TPM1: variants seen among roughly 807,000 people sequenced by gnomAD.
The protein encoded by TPM1 is tropomyosin 1, also known as tropomyosin alpha-1 chain.
In TPM1, 24 loss-of-function variants were observed where a neutral mutation model predicts 42.9. The ratio of observed to expected loss-of-function variants is 0.56; its 90% CI spans 0.41 to 0.79. The LOEUF is 0.79. Among genes scored for constraint, TPM1 ranks in the 30% least tolerant of loss-of-function variants. The probability of loss-of-function intolerance (pLI) is 0.00; values close to 1 mark genes in which losing one functional copy is unlikely to be tolerated. For missense variants in TPM1, 158 were observed against 351.8 expected (o/e 0.45, Z 4.41); for synonymous variants, 136 against 130.1 (o/e 1.05, Z -0.31).
At position 63,043,270 on chromosome 15, in the gene TPM1, A is replaced by T. The variant is rs1044170766; in HGVS notation, c.114+327A>T. 21 of 505,950 alleles carry T rather than the reference A, an allele frequency of 4.2e-5. No individual in the cohort carries two copies. The Admixed American group carries it at 5.4e-4, about 13-fold the overall frequency. 31.3% of individuals were successfully genotyped at this position (505,950 alleles called of 1,614,324 possible). ...CCGGTTCCTGGGGACGTTTGAAGGA[A>T]GGGCGAGGGATGGAGAAAGGGGGTC... On this transcript the variant is annotated intron_variant, in intron 1 of 9. Coordinates refer to ENST00000403994, the MANE Select transcript of TPM1 (RefSeq NM_001018005.2).
chr15:63,058,937 G>A (rs1312596925), intron 3 of TPM1, among the ~76,000 whole-genome samples: 5 of 152,148 alleles, frequency 3.3e-5, no homozygotes, highest in African/African-American at 1.2e-4. Context: ...TCCCAGCATT[G>A]CTGTCATGAA....
intron 9 of TPM1, chr15:63,065,470 T>C (rs556703004): frequency 2.3e-5 from 23 of 985,444 alleles, no homozygotes; most frequent in Middle Eastern, 5.2e-4. Context: ...TCTAGAGACA[T>C]GACTGTTGCC....
chr15:63,056,741 G>A (rs1315383727), intron 2 of TPM1: 3 of 543,134 alleles, frequency 5.5e-6, no homozygotes, highest in Non-Finnish European at 1.0e-5. Context: ...CTAATGATCT[G>A]TCTGTCTGAT....
intron 2 of TPM1, chr15:63,048,818 C>A: frequency 1.4e-6 from 2 of 1,433,780 alleles, no homozygotes; most frequent in Non-Finnish European, 1.9e-6. Context: ...CGTCCCCACG[C>A]CTCCAGGGCG....
intron 1 of TPM1, chr15:63,043,523 G>T (rs2140613168): frequency 4.1e-6 from 4 of 964,230 alleles, no homozygotes; most frequent in East Asian, 2.6e-5. Context: ...GCAGGTGGGT[G>T]TGCGGGGTGA....
intron 3 of TPM1, among the ~76,000 whole-genome samples, chr15:63,059,105 G>T (rs2035237722): frequency 6.6e-6 from 1 of 152,176 alleles, no homozygotes; most frequent in Non-Finnish European, 1.5e-5. Flanking sequence ...TTTATGGGTG[G>T]CAGGGTAAGA....
chr15:63,064,404 T>C (rs1186649529), intron 9 of TPM1: 3 of 1,345,904 alleles, frequency 2.2e-6, no homozygotes, highest in Non-Finnish European at 2.9e-6. Flanking sequence ...CTAGAATGAG[T>C]GACCTTGAGC....
chr15:63,069,192 G>A (rs2036458428), downstream of TPM1, among the ~76,000 whole-genome samples: 1 of 152,132 alleles, frequency 6.6e-6, no homozygotes, highest in Non-Finnish European at 1.5e-5. Flanking sequence ...CTAAATCAGT[G>A]TTGAGTGGTG....
chr15:63,060,747 GA>G, intron 4 of TPM1, 121 bp from the exon 5 acceptor site: 1 of 1,059,112 alleles, frequency 9.4e-7, no homozygotes, highest in Non-Finnish European at 1.5e-6. Context: ...CCAGAAAGAG[GA>G]TCATATTGTT....
intron 2 of TPM1, chr15:63,048,306 C>T (rs1304520741): frequency 1.1e-6 from 1 of 893,228 alleles, no homozygotes; most frequent in South Asian, 1.4e-5. Flanking sequence ...TCCCCGCCGC[C>T]GCGAGCATGC....
intron 1 of TPM1, chr15:63,043,399 G>A (rs1378143258): frequency 3.3e-6 from 2 of 610,914 alleles, no homozygotes; most frequent in East Asian, 7.1e-5. Flanking sequence ...TAAGAACAAA[G>A]ATGGGGCGGA....
intron 8 of TPM1, among the ~76,000 whole-genome samples, chr15:63,063,567 G>C (rs1049210580): frequency 6.6e-6 from 1 of 152,214 alleles, no homozygotes; most frequent in Non-Finnish European, 1.5e-5. Flanking sequence ...CAGGAAGTCA[G>C]TGGTTTGAAG....
At chr15:63,052,714 C>T (rs2034132011) in intron 2 of TPM1, among the ~76,000 whole-genome samples, 1 of 151,620 alleles carries the variant, frequency 6.6e-6, no homozygotes, top group Non-Finnish European at 1.5e-5. Flanking sequence ...CCTTAAGACT[C>T]CCCAGGTGCC....
chr15:63,055,911 A>G (rs2034713612), intron 2 of TPM1: 1 of 152,252 alleles, frequency 6.6e-6, no homozygotes, highest in African/African-American at 2.4e-5. Context: ...TTGCCTCTCA[A>G]AGAAACCAAC....
Position 63,057,181 on chromosome 15 carries a change from TC to T in TPM1, c.374+65del, listed in dbSNP as rs146241142. The T allele has an allele frequency of 1.6e-3, 2,637 of 1,608,080 alleles. 58 individuals carry two copies. The East Asian group carries it at 0.039, about 24-fold the overall frequency. On this transcript the variant is annotated intron_variant, in intron 3 of 9. Coordinates refer to ENST00000403994, the MANE Select transcript of TPM1 (RefSeq NM_001018005.2). ...TTCCTGGTGGAATAAACCGGAGGGC[TC>T]CTGTGATCTTTGAGGTTTAAGAATT...
chr15:63,049,520 A>AGTC (rs1222050179), intron 2 of TPM1: 1 of 152,148 alleles, frequency 6.6e-6, no homozygotes, highest in Non-Finnish European at 1.5e-5. Context: ...TTTCAGAGGT[A>AGTC]GTCTAGTATT....
downstream of TPM1, chr15:63,070,084 G>T (rs1357550867): frequency 6.5e-7 from 1 of 1,533,406 alleles, no homozygotes; most frequent in African/African-American, 1.4e-5. Context: ...TGGCTGAAAG[G>T]CTGGCCTTGC....
At chr15:63,054,908 T>TC (rs896036711) in intron 2 of TPM1, among the ~76,000 whole-genome samples, 16 of 150,712 alleles carry the variant, frequency 1.1e-4, no homozygotes, top group East Asian at 1.9e-4. Flanking sequence ...GCTTTGAGTC[T>TC]CCCCCCCACC....
chr15:63,065,720 G>C (rs559995397), intron 9 of TPM1, 176 bp from the exon 10 acceptor site: 1 of 919,850 alleles, frequency 1.1e-6, no homozygotes, highest in Non-Finnish European at 1.3e-6. Flanking sequence ...GGCCTGTGAC[G>C]GCCTCAGGTG....
Sources: allele counts gnomAD v4.1 joint callset (sites outside exome capture counted in the v4.1 genomes callset), GRCh38; gene constraint gnomAD v4.1.1; transcripts MANE v1.5; gene names NCBI Gene and HGNC (gene_info 2026-07-23, HGNC 2026-07-21).